CFAP300: variants seen among roughly 807,000 people sequenced by gnomAD.
The protein encoded by CFAP300 is cilia- and flagella-associated protein 300.
A neutral mutation model predicts 33.0 loss-of-function variants in CFAP300; 32 were observed. The ratio of observed to expected loss-of-function variants is 0.97; its 90% CI spans 0.73 to 1.30. The LOEUF (loss-of-function observed/expected upper bound fraction) is 1.30, where lower values mean the gene tolerates loss of function less well. Among genes scored for constraint, CFAP300 ranks in the 50% most tolerant of loss-of-function variants. The pLI is 0.00. For missense variants in CFAP300, 356 were observed against 318.1 expected (o/e 1.12, Z -0.90); for synonymous variants, 102 against 106.8 (o/e 0.95, Z 0.28).
At chr11:102,047,611 GC>G (rs1391944627) in intron 1 of CFAP300, 31 bp downstream of exon 1, 19 of 1,526,892 alleles carry the variant, frequency 1.2e-5, no homozygotes, top group Admixed American at 2.0e-5. Context: ...GAGAGAAGAG[GC>G]CCTTGGTCTT....
intron 5 of CFAP300, among the ~76,000 whole-genome samples, chr11:102,080,692 G>C (rs899656581): frequency 6.6e-6 from 1 of 152,062 alleles, no homozygotes; most frequent in Non-Finnish European, 1.5e-5. Context: ...GAGCCACCGC[G>C]ACCGGCCCAC....
rs894065106 is a variant in CFAP300, at chr11:102,047,752, T to G, written c.111-63T>G. 21 of 1,578,104 alleles carry G rather than the reference T, an allele frequency of 1.3e-5. No individual in the cohort carries two copies. In the African/African-American group the frequency reaches 2.8e-4, roughly 21 times the overall value. The stretch of plus-strand genomic sequence containing the variant: ...GGGCGGATGCTGTGGGTGGGATCGG[T>G]TATCGGTGCGCTCTGAGAGGGTGCC... On this transcript the variant is annotated intron_variant, in intron 1 of 6. Transcript: ENST00000434758.
chr11:102,051,816 T>G (rs772152827), intron 2 of CFAP300, among the ~76,000 whole-genome samples: 60 of 152,198 alleles, frequency 3.9e-4, no homozygotes, highest in Non-Finnish European at 6.8e-4. Context: ...CCCAAAGTGC[T>G]GGGATTACAG....
intron 5 of CFAP300, 78 bp downstream of exon 5, chr11:102,076,123 A>C (rs1942391883): frequency 1.4e-6 from 2 of 1,448,544 alleles, no homozygotes; most frequent in Non-Finnish European, 1.8e-6. Context: ...GGAATTACAC[A>C]ACATCATTCA....
chr11:102,050,095 A>G (rs1343999042), intron 2 of CFAP300, among the ~76,000 whole-genome samples: 2 of 152,116 alleles, frequency 1.3e-5, no homozygotes, highest in Admixed American at 1.3e-4. Flanking sequence ...GCACCTCTGC[A>G]CCATAGCCTG....
chr11:102,058,952 T>C lies in CFAP300; in HGVS notation c.265T>C (p.Leu89=). The C allele has an allele frequency of 1.3e-6, 2 of 1,535,986 alleles. No homozygotes were observed. The highest frequency in any genetic ancestry group is 1.8e-6 in the Non-Finnish European group (2 of 1,135,940). Residue 89 remains leucine, a synonymous_variant, in exon 3 of 7, where the codon TTA becomes CTA. Coordinates refer to ENST00000434758, the MANE Select transcript of CFAP300 (RefSeq NM_032930.3). ...LSDSSGQWII[L]GTEVKKIEAI... is the part of the protein sequence containing the mutation. ...AGATTCTTCTGGACAATGGATCATA[T>C]TAGGTAAATAAAATTTTCATCTTTT... is the stretch of plus-strand genomic sequence containing the variant.
chr11:102,069,576 G>T (rs1159179877), intron 4 of CFAP300, among the ~76,000 whole-genome samples: 1 of 152,138 alleles, frequency 6.6e-6, no homozygotes, highest in Non-Finnish European at 1.5e-5. Flanking sequence ...GCAGAGGCGG[G>T]TGGATCACTT....
intron 4 of CFAP300, among the ~76,000 whole-genome samples, chr11:102,073,823 G>T (rs983089605): frequency 1.3e-5 from 2 of 152,142 alleles, no homozygotes; most frequent in South Asian, 4.1e-4. Context: ...GGGAATGGGG[G>T]GTACAAGGTT....
intron 2 of CFAP300, among the ~76,000 whole-genome samples, chr11:102,051,378 C>G (rs546962969): frequency 1.5e-4 from 23 of 152,158 alleles, no homozygotes; most frequent in Non-Finnish European, 2.5e-4. Context: ...ACAGAGCTTT[C>G]CTGGAAGCCT....
At chr11:102,080,910 T>G (rs1942463958) in intron 5 of CFAP300, among the ~76,000 whole-genome samples, 1 of 152,218 alleles carries the variant, frequency 6.6e-6, no homozygotes, top group Non-Finnish European at 1.5e-5. Flanking sequence ...AGTCTGATTT[T>G]TACAAATCCC....
At chr11:102,066,683 A>G in intron 4 of CFAP300, 32 bp downstream of exon 4, 1 of 1,559,024 alleles carries the variant, frequency 6.4e-7, no homozygotes, top group Non-Finnish European at 8.6e-7. Flanking sequence ...TTCGCAGTGG[A>G]ATTTTATTTC....
intron 2 of CFAP300, among the ~76,000 whole-genome samples, chr11:102,049,355 C>T (rs1941934990): frequency 6.6e-6 from 1 of 152,170 alleles, no homozygotes; most frequent in African/African-American, 2.4e-5. Flanking sequence ...CTTATAGAGA[C>T]ACCAGTCATA....
intron 5 of CFAP300, among the ~76,000 whole-genome samples, chr11:102,077,401 C>A (rs1942411802): frequency 6.6e-6 from 1 of 152,158 alleles, no homozygotes; most frequent in Admixed American, 6.5e-5. Context: ...TATTGCTAAT[C>A]CATTCTAGCA....
intron 1 of CFAP300, 32 bp downstream of exon 1, chr11:102,047,612 C>T: frequency 2.0e-6 from 3 of 1,525,354 alleles, no homozygotes; most frequent in Non-Finnish European, 2.6e-6. Context: ...AGAGAAGAGG[C>T]CCTTGGTCTT....
At chr11:102,065,105 TTTTG>T (rs201761965) in intron 3 of CFAP300, among the ~76,000 whole-genome samples, 3 of 152,084 alleles carry the variant, frequency 2.0e-5, no homozygotes, top group Non-Finnish European at 2.9e-5. Flanking sequence ...GGGAGAAATT[TTTTG>T]TTTGTTTGTT....
chr11:102,072,181 C>CTT (rs993352734), intron 4 of CFAP300, among the ~76,000 whole-genome samples: 10 of 146,796 alleles, frequency 6.8e-5, no homozygotes, highest in African/African-American at 2.0e-4. Context: ...TTCTTTTTCT[C>CTT]TTTTTTTTTT....
intron 2 of CFAP300, among the ~76,000 whole-genome samples, chr11:102,048,410 G>C (rs1307004896): frequency 4.0e-5 from 2 of 50,068 alleles, no homozygotes; most frequent in South Asian, 1.0e-3. Context: ...TTTAGAGGCA[G>C]AGTCTCACTA....
chr11:102,070,400 T>C (rs1942295784), intron 4 of CFAP300, among the ~76,000 whole-genome samples: 1 of 152,214 alleles, frequency 6.6e-6, no homozygotes, highest in South Asian at 2.1e-4. Flanking sequence ...TTTTCATAAT[T>C]AAGTGCACTT....
At chr11:102,060,863 A>G (rs1942140694) in intron 3 of CFAP300, among the ~76,000 whole-genome samples, 1 of 152,196 alleles carries the variant, frequency 6.6e-6, no homozygotes, top group South Asian at 2.1e-4. Flanking sequence ...CTACTGCAAA[A>G]TTTATAGAGC....
Sources: gnomAD v4.1 joint callset for allele counts (sites outside exome capture counted in the v4.1 genomes callset) on GRCh38, gnomAD v4.1.1 for gene constraint, MANE v1.5 for transcripts, NCBI Gene and HGNC (gene_info 2026-07-23, HGNC 2026-07-21) for gene names.